The following ST18 variants were observed in gnomAD, a reference collection of about 807,000 sequenced individuals.
ST18 encodes suppression of tumorigenicity 18 protein.
Under a neutral mutation model 110.0 loss-of-function variants are expected in ST18, and 50 were observed. The observed-to-expected ratio is 0.45, with a 90% CI of 0.36 to 0.58. The LOEUF is 0.58. Among genes scored for constraint, ST18 ranks in the 20% least tolerant of loss-of-function variants. The probability of loss-of-function intolerance (pLI) is 0.00; values close to 1 mark genes in which losing one functional copy is unlikely to be tolerated. For synonymous variants in ST18, 461 were observed against 452.4 expected (o/e 1.02, Z -0.24); for missense variants, 1,306 against 1,280.1 (o/e 1.02, Z -0.31).
chr8:52,332,648 C>T (rs1049030124), intron 2 of ST18, among the ~76,000 whole-genome samples: 5 of 147,550 alleles, frequency 3.4e-5, no homozygotes, highest in African/African-American at 7.5e-5. Flanking sequence ...GTCAGGAATT[C>T]GAGACCAGCC....
chr8:52,316,445 T>C (rs945876648), intron 2 of ST18, among the ~76,000 whole-genome samples: 5 of 152,226 alleles, frequency 3.3e-5, no homozygotes, highest in African/African-American at 1.2e-4. Context: ...TTTGCAAAAC[T>C]TTTTATAATT....
chr8:52,294,801 C>T (rs1176630975), intron 2 of ST18, among the ~76,000 whole-genome samples: 1 of 152,208 alleles, frequency 6.6e-6, no homozygotes, highest in Non-Finnish European at 1.5e-5. Flanking sequence ...TTATATGGAA[C>T]ATGTGATTCT....
At chr8:52,375,603 G>GC (rs1442589397) in intron 2 of ST18, among the ~76,000 whole-genome samples, 3 of 152,128 alleles carry the variant, frequency 2.0e-5, no homozygotes, top group Admixed American at 2.0e-4. Context: ...ACTGTGGAAT[G>GC]CCCCAGCAGA....
intron 2 of ST18, among the ~76,000 whole-genome samples, chr8:52,328,285 TG>T (rs1037661233): frequency 1.3e-5 from 2 of 152,206 alleles, no homozygotes; most frequent in African/African-American, 4.8e-5. Context: ...ATTAACAGGG[TG>T]GTCTTGGCCA....
At chr8:52,211,851 A>C (rs1212778264) in intron 8 of ST18, among the ~76,000 whole-genome samples, 1 of 152,182 alleles carries the variant, frequency 6.6e-6, no homozygotes, top group Non-Finnish European at 1.5e-5. Context: ...ATCACAGCAA[A>C]AATTGTTTTG....
At chr8:52,218,077 C>T (rs955236322) in intron 5 of ST18, among the ~76,000 whole-genome samples, 176 bp from the exon 6 acceptor site, 5 of 152,022 alleles carry the variant, frequency 3.3e-5, no homozygotes, top group African/African-American at 1.2e-4. Flanking sequence ...AAAACAAAAA[C>T]ACAAAACAAA....
At chr8:52,132,533 G>A (rs79633073) in intron 21 of ST18, among the ~76,000 whole-genome samples, 4,561 of 152,266 alleles carry the variant, frequency 0.03, 109 homozygotes, top group Non-Finnish European at 0.047. Flanking sequence ...TGTTGCTTCC[G>A]AAGACCAAAG....
intron 19 of ST18, among the ~76,000 whole-genome samples, chr8:52,136,380 A>G (rs1463311376): frequency 6.6e-6 from 1 of 152,232 alleles, no homozygotes; most frequent in African/African-American, 2.4e-5. Flanking sequence ...TATAAAATAC[A>G]AAGCCCCGGA....
chr8:52,233,044 T>C (rs546033008), intron 2 of ST18, among the ~76,000 whole-genome samples: 7 of 152,310 alleles, frequency 4.6e-5, no homozygotes, highest in Non-Finnish European at 7.4e-5. Flanking sequence ...ATATTTATTT[T>C]AAAAAGCTAC....
At chr8:52,377,957 G>C (rs1294306380) in intron 2 of ST18, among the ~76,000 whole-genome samples, 1 of 152,144 alleles carries the variant, frequency 6.6e-6, no homozygotes, top group Non-Finnish European at 1.5e-5. Context: ...CAACATGCAT[G>C]GAACTAGAGG....
chr8:52,236,696 A>C (rs929074150), intron 2 of ST18, among the ~76,000 whole-genome samples: 2 of 152,164 alleles, frequency 1.3e-5, no homozygotes, highest in Admixed American at 1.3e-4. Flanking sequence ...TTCTTTGAGA[A>C]AAATCATAGA....
At chr8:52,371,625 CATG>C (rs1231916052) in intron 2 of ST18, among the ~76,000 whole-genome samples, 3 of 152,192 alleles carry the variant, frequency 2.0e-5, no homozygotes, top group African/African-American at 7.2e-5. Context: ...GATAAAATGA[CATG>C]ATAAGCTCAA....
intron 5 of ST18, 61 bp from the exon 6 acceptor site, chr8:52,217,962 G>A (rs2084993295): frequency 6.6e-6 from 1 of 152,114 alleles, no homozygotes; most frequent in African/African-American, 2.4e-5. Flanking sequence ...ACTCAGTTTT[G>A]CTTTCATTCA....
At chr8:52,359,441 CT>C (rs1286288141) in intron 2 of ST18, among the ~76,000 whole-genome samples, 1 of 152,084 alleles carries the variant, frequency 6.6e-6, no homozygotes, top group Non-Finnish European at 1.5e-5. Flanking sequence ...GTTTCCTGCT[CT>C]AATAGGGCTT....
intron 8 of ST18, among the ~76,000 whole-genome samples, chr8:52,203,626 C>A (rs1425602362): frequency 6.6e-6 from 1 of 151,994 alleles, no homozygotes; most frequent in Non-Finnish European, 1.5e-5. Context: ...AAAATGAGAC[C>A]TCAAATAGGT....
At chr8:52,228,809 G>A (rs779388444) in intron 3 of ST18, among the ~76,000 whole-genome samples, 18 of 151,916 alleles carry the variant, frequency 1.2e-4, no homozygotes, top group African/African-American at 2.4e-4. Flanking sequence ...CACTAGACTC[G>A]GCATTCTTTG....
intron 2 of ST18, among the ~76,000 whole-genome samples, chr8:52,336,796 T>C (rs1175317984): frequency 1.3e-5 from 2 of 152,200 alleles, no homozygotes; most frequent in Admixed American, 1.3e-4. Context: ...TAATGAAATA[T>C]AATCAATTAA....
intron 2 of ST18, among the ~76,000 whole-genome samples, chr8:52,329,744 G>A (rs1353246061): frequency 1.3e-5 from 2 of 152,052 alleles, no homozygotes; most frequent in Non-Finnish European, 2.9e-5. Flanking sequence ...CTGGGCCACA[G>A]AGCGAGGCTC....
At chr8:52,263,809 C>T (rs189304370) in intron 2 of ST18, among the ~76,000 whole-genome samples, 12 of 143,746 alleles carry the variant, frequency 8.3e-5, no homozygotes, top group East Asian at 8.3e-4. Flanking sequence ...TGCAGTGGCA[C>T]GATCTTCACT....
Sources: gnomAD v4.1 joint callset for allele counts (sites outside exome capture counted in the v4.1 genomes callset) on GRCh38, gnomAD v4.1.1 for gene constraint, MANE v1.5 for transcripts, NCBI Gene and HGNC (gene_info 2026-07-23, HGNC 2026-07-21) for gene names.